MTHFSD: variants seen among roughly 807,000 people sequenced by gnomAD.
The protein encoded by MTHFSD is methenyltetrahydrofolate synthase domain-containing protein.
A neutral mutation model predicts 31.1 loss-of-function variants in MTHFSD; 37 were observed. The ratio of observed to expected loss-of-function variants is 1.19; its 90% CI spans 0.91 to 1.56. The LOEUF (loss-of-function observed/expected upper bound fraction) is 1.56, where lower values mean the gene tolerates loss of function less well. Among genes scored for constraint, MTHFSD ranks in the 40% most tolerant of loss-of-function variants. The pLI is 0.00. For missense variants in MTHFSD, 664 were observed against 510.1 expected (o/e 1.30, Z -2.91); for synonymous variants, 221 against 206.9 (o/e 1.07, Z -0.59).
intron 4 of MTHFSD, chr16:86,548,178 G>A (rs1215958428): frequency 1.3e-5 from 16 of 1,223,072 alleles, no homozygotes; most frequent in Non-Finnish European, 1.7e-5. Context: ...ACACCGGGCA[G>A]TGCCAGAGAA....
chr16:86,532,677 GC>G, intron 7 of MTHFSD, 196 bp from the exon 8 acceptor site: 1 of 402,710 alleles, frequency 2.5e-6, no homozygotes. Flanking sequence ...CTGTAGCTCT[GC>G]CCCTCGCCCC....
At chr16:86,536,272 T>C (rs564022096) in intron 7 of MTHFSD, among the ~76,000 whole-genome samples, 1 of 152,318 alleles carries the variant, frequency 6.6e-6, no homozygotes, top group East Asian at 1.9e-4. Context: ...CACTTCCAAA[T>C]AGCCACAGTG....
chr16:86,554,975 T>C (rs1973875837), intron 1 of MTHFSD, 194 bp downstream of exon 1: 1 of 1,320,406 alleles, frequency 7.6e-7, no homozygotes, highest in Non-Finnish European at 1.0e-6. Flanking sequence ...TTTCCTGACA[T>C]CTTTCTCGGG....
intron 4 of MTHFSD, chr16:86,547,160 T>C: frequency 2.0e-6 from 2 of 986,132 alleles, no homozygotes; most frequent in Non-Finnish European, 2.4e-6. Flanking sequence ...GTATGACATA[T>C]TTATTCAATA....
intron 7 of MTHFSD, among the ~76,000 whole-genome samples, chr16:86,539,269 G>A (rs185633326): frequency 7.9e-5 from 12 of 152,282 alleles, no homozygotes; most frequent in African/African-American, 2.4e-4. Context: ...GGTACAACCC[G>A]TGGCCATAGG....
At chr16:86,543,739 T>G (rs1971863398) in intron 5 of MTHFSD, among the ~76,000 whole-genome samples, 1 of 152,200 alleles carries the variant, frequency 6.6e-6, no homozygotes, top group Non-Finnish European at 1.5e-5. Context: ...TCCCAACTCC[T>G]GGGCCACAGA....
In MTHFSD at chr16:86,542,127, C is replaced by A. The variant is rs762393742; in HGVS notation, c.529G>T (p.Val177Leu). The change falls in exon 6 of 8, where the codon GTG becomes TTG. Residue 177 changes from valine to leucine, a missense_variant. Coordinates refer to ENST00000360900, the MANE Select transcript of MTHFSD (RefSeq NM_001159377.2). The surrounding 1 kb of genome is among the most constrained non-coding windows in gnomAD (Gnocchi z 4.6). ...SMGAVSKETP[V>L]VTIVHDCQVV... ...TGGCAGTCGTGGACGATGGTGACCACCGGCGTCTCCTTGCTGACGGCGCCC... is the reference window on the plus strand; with the variant it reads ...TGGCAGTCGTGGACGATGGTGACCAACGGCGTCTCCTTGCTGACGGCGCCC... The A allele has an allele frequency of 6.2e-7, 1 of 1,613,706 alleles. No individual in the cohort carries two copies. Among genetic ancestry groups the A allele is most frequent in the Non-Finnish European group, 8.5e-7 (1 of 1,180,002 alleles).
In MTHFSD at chr16:86,532,400, G is replaced by C. The variant is rs367857824; in HGVS notation, c.763C>G (p.Leu255Val). 6.5e-7 allele frequency: 1 copy of C among 1,536,114 alleles called. No individual in the cohort carries two copies. Among genetic ancestry groups the C allele is most frequent in the Non-Finnish European group, 8.7e-7 (1 of 1,143,404 alleles). The change falls in exon 8 of 8, where the codon CTC (leucine) becomes GTC (valine). Residue 255 changes from leucine (L) to valine (V), a missense_variant. By Grantham distance (32) the Leu-to-Val change is conservative. Transcript: ENST00000360900. ...GGAAGGTGCTGGTGCTCACCCTGGA[G>C]GGTGACATCCTTCCCAGCCTGCTGC... ...REQQAGKDVTLQGEHQHLPEP... is the reference protein window; with the variant it reads ...REQQAGKDVTVQGEHQHLPEP...
intron 7 of MTHFSD, among the ~76,000 whole-genome samples, chr16:86,534,083 G>GA (rs1970344449): frequency 1.3e-5 from 2 of 152,242 alleles, no homozygotes; most frequent in African/African-American, 4.8e-5. Context: ...GGCTGTCATA[G>GA]AAAGACTCTG....
intron 3 of MTHFSD, among the ~76,000 whole-genome samples, chr16:86,549,601 A>G (rs562866296): frequency 6.6e-6 from 1 of 152,284 alleles, no homozygotes; most frequent in East Asian, 1.9e-4. Context: ...TCTCTTTTCT[A>G]GAAGCTGCTC....
chr16:86,536,881 C>T (rs76141807), intron 7 of MTHFSD, among the ~76,000 whole-genome samples: 4,772 of 152,300 alleles, frequency 0.031, 110 homozygotes, highest in Middle Eastern at 0.078. Context: ...GAAGAGCAGC[C>T]GCGTGGTTCC....
intron 3 of MTHFSD, 68 bp downstream of exon 3, chr16:86,551,965 C>T: frequency 6.2e-7 from 1 of 1,601,936 alleles, no homozygotes; most frequent in Non-Finnish European, 8.5e-7. Flanking sequence ...TGTGCACTGA[C>T]CAGCTACCTG....
At chr16:86,546,845 C>G (rs1028886697) in intron 4 of MTHFSD, among the ~76,000 whole-genome samples, 196 bp from the exon 5 acceptor site, 2 of 152,232 alleles carry the variant, frequency 1.3e-5, no homozygotes, top group East Asian at 1.9e-4. Flanking sequence ...TCCCCAGTCT[C>G]TTTCCCAGAA....
chr16:86,548,641 G>A (rs1972680958), intron 3 of MTHFSD, 64 bp from the exon 4 acceptor site: 1 of 1,335,320 alleles, frequency 7.5e-7, no homozygotes, highest in South Asian at 1.4e-5. Context: ...TTTCTTATAT[G>A]TATTTTTACC....
chr16:86,539,062 A>C (rs990475111), intron 7 of MTHFSD, among the ~76,000 whole-genome samples: 1 of 152,206 alleles, frequency 6.6e-6, no homozygotes, highest in Non-Finnish European at 1.5e-5. Flanking sequence ...ATGAGGGTGC[A>C]GAGTGCTGGA....
chr16:86,540,763 C>T (rs964480614), intron 7 of MTHFSD: 2 of 990,766 alleles, frequency 2.0e-6, no homozygotes, highest in Non-Finnish European at 2.4e-6. Context: ...CACCTTCTTT[C>T]CCAGTGCTCC....
chr16:86,541,386 T>A, intron 7 of MTHFSD: 1 of 557,580 alleles, frequency 1.8e-6, no homozygotes, highest in Non-Finnish European at 2.9e-6. Flanking sequence ...AAACAACTCT[T>A]AAAAATGAAA....
chr16:86,552,337 T>A, intron 2 of MTHFSD, 191 bp from the exon 3 acceptor site: 1 of 1,486,312 alleles, frequency 6.7e-7, no homozygotes, highest in Non-Finnish European at 9.0e-7. Flanking sequence ...CAGCACGCTC[T>A]CAGGCCAACT....
intron 1 of MTHFSD, 62 bp from the exon 2 acceptor site, chr16:86,554,813 G>A (rs775568311): frequency 7.7e-6 from 11 of 1,427,466 alleles, no homozygotes; most frequent in Non-Finnish European, 9.8e-6. Flanking sequence ...TGCTGAAACC[G>A]CTTAACAGTA....
Sources: gnomAD v4.1 joint callset for allele counts (sites outside exome capture counted in the v4.1 genomes callset) on GRCh38, gnomAD v4.1.1 for gene constraint, Gnocchi (gnomAD v3.1) non-coding constraint, MANE v1.5 for transcripts, NCBI Gene and HGNC (gene_info 2026-07-23, HGNC 2026-07-21) for gene names.